The following EYA2 variants were observed in gnomAD, a reference collection of about 807,000 sequenced individuals.
The protein encoded by EYA2 is EYA transcriptional coactivator and phosphatase 2, also known as protein phosphatase EYA2.
A neutral mutation model predicts 69.2 loss-of-function variants in EYA2; 31 were observed. That is an observed-to-expected ratio of 0.45 (90% CI 0.34 to 0.60). The LOEUF (loss-of-function observed/expected upper bound fraction) is 0.60. EYA2 is among the 20% of genes least tolerant of loss of function. EYA2 has a pLI of 0.02. For missense variants in EYA2, 622 were observed against 701.2 expected, an observed-to-expected ratio of 0.89 and a Z score of 1.28; for synonymous variants, 257 against 279.4, an observed-to-expected ratio of 0.92 and a Z score of 0.80.
intron 4 of EYA2, among the ~76,000 whole-genome samples, chr20:47,007,283 G>C (rs1421543273): frequency 2.0e-5 from 3 of 152,206 alleles, no homozygotes; most frequent in African/African-American, 7.2e-5. Flanking sequence ...ACGGCATAAA[G>C]GAAGCAAAGA....
intron 10 of EYA2, among the ~76,000 whole-genome samples, chr20:47,155,807 A>G (rs192948049): frequency 9.2e-5 from 14 of 151,560 alleles, no homozygotes; most frequent in South Asian, 4.3e-4. Flanking sequence ...GCTAATGTCT[A>G]TCTTTCATGG....
chr20:46,988,495 TTG>T (rs1299112517), intron 1 of EYA2, among the ~76,000 whole-genome samples: 1 of 152,146 alleles, frequency 6.6e-6, no homozygotes, highest in Admixed American at 6.5e-5. Context: ...GATCGCTACG[TTG>T]TGTTTCATTA....
In EYA2 at chr20:46,983,008, G is replaced by T. The variant is rs560903186; in HGVS notation, c.-10-6993G>T. Among the ~76,000 whole-genome samples, 381 of 152,098 alleles carry T rather than the reference G, an allele frequency of 2.5e-3. 4 individuals carry two copies. The highest frequency in any genetic ancestry group is 8.7e-3 in the African/African-American group (360 of 41,510). ...AGGCTGGTCTCAAACTCCTGCTTCA[G>T]GTGATCCACCTGCCTTGGACTCCCA... On this transcript the variant is annotated intron_variant, in intron 1 of 15. Coordinates refer to ENST00000327619, the MANE Select transcript of EYA2 (RefSeq NM_005244.5).
chr20:47,102,045 C>T (rs1432723003), intron 9 of EYA2, among the ~76,000 whole-genome samples: 1 of 152,126 alleles, frequency 6.6e-6, no homozygotes, highest in Non-Finnish European at 1.5e-5. Context: ...ATTGAAAAAC[C>T]CAGGGATACC....
At chr20:47,036,247 G>T (rs1984704066) in intron 5 of EYA2, among the ~76,000 whole-genome samples, 1 of 151,948 alleles carries the variant, frequency 6.6e-6, no homozygotes, top group Non-Finnish European at 1.5e-5. Flanking sequence ...CTGGCTCCAT[G>T]TGCAAAATGT....
intron 7 of EYA2, among the ~76,000 whole-genome samples, chr20:47,076,198 T>C (rs1430612480): frequency 6.6e-6 from 1 of 152,246 alleles, no homozygotes; most frequent in Non-Finnish European, 1.5e-5. Flanking sequence ...AAAATTTATA[T>C]TCCTTTGGAT....
At chr20:46,914,374 G>A (rs1320144907) in intron 1 of EYA2, among the ~76,000 whole-genome samples, 1 of 152,206 alleles carries the variant, frequency 6.6e-6, no homozygotes, top group East Asian at 1.9e-4. Context: ...TTTCTCATCT[G>A]TGGAGTGGGT....
chr20:47,187,285 C>T (rs991494845), intron 15 of EYA2, among the ~76,000 whole-genome samples: 1 of 151,272 alleles, frequency 6.6e-6, no homozygotes, highest in Admixed American at 6.6e-5. Context: ...AGGAGGATCG[C>T]TTGAGCCTGG....
intron 5 of EYA2, among the ~76,000 whole-genome samples, chr20:47,029,592 C>G (rs1984289031): frequency 6.6e-6 from 1 of 152,194 alleles, no homozygotes; most frequent in South Asian, 2.1e-4. Context: ...CTCTTACATC[C>G]TTTTCCTCAT....
At chr20:46,944,979 G>C (rs1206749) in intron 1 of EYA2, among the ~76,000 whole-genome samples, 1 of 151,922 alleles carries the variant, frequency 6.6e-6, no homozygotes, top group African/African-American at 2.4e-5. Flanking sequence ...TGGTGCCTGC[G>C]TGTAGTCCTA....
chr20:47,088,710 C>G (rs1283509731), intron 7 of EYA2, among the ~76,000 whole-genome samples: 1 of 152,198 alleles, frequency 6.6e-6, no homozygotes, highest in Admixed American at 6.5e-5. Flanking sequence ...ACTCTGCCTC[C>G]CGAGTAGCTG....
chr20:47,024,296 A>G (rs773327688), intron 5 of EYA2, among the ~76,000 whole-genome samples: 3 of 152,252 alleles, frequency 2.0e-5, no homozygotes, highest in Non-Finnish European at 2.9e-5. Context: ...AGTTGGGATC[A>G]GAGCAGTGTT....
At chr20:47,111,129 C>G (rs910180514) in intron 9 of EYA2, among the ~76,000 whole-genome samples, 1 of 152,130 alleles carries the variant, frequency 6.6e-6, no homozygotes, top group African/African-American at 2.4e-5. Flanking sequence ...GCAGTTGGTC[C>G]TAATTGAAGT....
intron 1 of EYA2, among the ~76,000 whole-genome samples, chr20:46,934,915 A>G (rs140871497): frequency 4.6e-5 from 7 of 152,352 alleles, no homozygotes; most frequent in Non-Finnish European, 7.4e-5. Context: ...GGAAAGAGCT[A>G]TGGTTAGATT....
intron 5 of EYA2, among the ~76,000 whole-genome samples, chr20:47,030,825 G>A (rs1008453610): frequency 2.0e-5 from 3 of 152,134 alleles, no homozygotes; most frequent in East Asian, 1.9e-4. Flanking sequence ...TGGTGCAATC[G>A]TAGTCACTAT....
intron 10 of EYA2, among the ~76,000 whole-genome samples, chr20:47,144,182 C>G (rs1191442259): frequency 6.6e-6 from 1 of 151,932 alleles, no homozygotes; most frequent in African/African-American, 2.4e-5. Context: ...ATGGCGAAAC[C>G]CCGTCTCTAC....
chr20:46,983,242 G>C (rs1275415421), intron 1 of EYA2, among the ~76,000 whole-genome samples: 1 of 152,044 alleles, frequency 6.6e-6, no homozygotes, highest in Non-Finnish European at 1.5e-5. Context: ...TGATCATTTG[G>C]TTTTGTCTTT....
At chr20:47,135,842 CA>C (rs1266669397) in intron 9 of EYA2, among the ~76,000 whole-genome samples, 2 of 54,026 alleles carry the variant, frequency 3.7e-5, no homozygotes, top group African/African-American at 1.6e-4. Flanking sequence ...AAAAAAAAAA[CA>C]AACAAACAAA....
rs530318415 is a variant in EYA2, at chr20:47,034,995, T to C, written c.415+18698T>C. On this transcript the variant is annotated intron_variant, in intron 5 of 15. Transcript: ENST00000327619. Reference sequence around the variant, plus strand: ...GACACCCTAATCCATTATGACCTCATCTTAATTTGATTACATCTGCAAAAG... The same window carrying C: ...GACACCCTAATCCATTATGACCTCACCTTAATTTGATTACATCTGCAAAAG... 1.2e-4 allele frequency among the ~76,000 whole-genome samples: 19 copies of C among 152,354 alleles called. No individual in the cohort carries two copies. The South Asian group carries it at 1.9e-3, about 15-fold the overall frequency.
Sources: allele counts gnomAD v4.1 joint callset (sites outside exome capture counted in the v4.1 genomes callset), GRCh38; gene constraint gnomAD v4.1.1; transcripts MANE v1.5; gene names NCBI Gene and HGNC (gene_info 2026-07-23, HGNC 2026-07-21).